Variants in CDIP1 observed in about 807,000 individuals in gnomAD.
CDIP1 encodes the protein cell death inducing p53 target 1.
A neutral mutation model predicts 17.7 loss-of-function variants in CDIP1; 9 were observed. That is an observed-to-expected ratio of 0.51 (90% CI 0.31 to 0.89). CDIP1 has a LOEUF of 0.89. Among genes scored for constraint, CDIP1 ranks in the 40% least tolerant of loss-of-function variants. CDIP1 has a pLI of 0.05. For synonymous variants in CDIP1, 117 were observed against 109.5 expected (o/e 1.07, Z -0.43); for missense variants, 263 against 277.9 (o/e 0.95, Z 0.38).
At chr16:4,521,948 TA>T (rs1264692229) in intron 1 of CDIP1, among the ~76,000 whole-genome samples, 7 of 152,178 alleles carry the variant, frequency 4.6e-5, no homozygotes, top group Non-Finnish European at 1.0e-4. Flanking sequence ...AAACTGCTAT[TA>T]TTATGCTTTA....
Position 4,513,216 on chromosome 16 carries a change from G to T in CDIP1, c.242-152C>A. 1 of 806,132 alleles carries T rather than the reference G, an allele frequency of 1.2e-6. No individual in the cohort carries two copies. The highest frequency in any genetic ancestry group is 1.8e-5 in the South Asian group (1 of 54,358). The allele number at this position is 806,132 out of a possible 1,614,324, so 49.9% of individuals were successfully genotyped here. A position where few individuals can be genotyped will look rare whatever the true frequency, so the allele number is the denominator to read the frequency against. On this transcript the variant is annotated intron_variant, in intron 4 of 5. Coordinates refer to ENST00000567695, the MANE Select transcript of CDIP1 (RefSeq NM_013399.3). The surrounding 1 kb of genome is among the most constrained non-coding windows in gnomAD (Gnocchi z 4.1). ...CGCCCTCCTAACGGGCCAGTGGGAG[G>T]CCTTACAGCTGGGGCCCTAAGTCAA...
intron 1 of CDIP1, among the ~76,000 whole-genome samples, chr16:4,535,771 C>T (rs1197788092): frequency 6.6e-6 from 1 of 152,264 alleles, no homozygotes; most frequent in Non-Finnish European, 1.5e-5. Flanking sequence ...CAAGAGTGGA[C>T]AGCCCTCTGG....
rs1044857959 is a variant in CDIP1, at chr16:4,512,593, G to A, written c.606C>T (p.Tyr202=). 6.2e-7 allele frequency: 1 copy of A among 1,613,682 alleles called. No homozygotes were observed. Among genetic ancestry groups the A allele is most frequent in the Non-Finnish European group, 8.5e-7 (1 of 1,179,632 alleles). Residue 202 remains tyrosine (Y), a synonymous_variant, in exon 6 of 6, where the codon TAC becomes TAT. Transcript: ENST00000567695. The surrounding 1 kb of genome is among the most constrained non-coding windows in gnomAD (Gnocchi z 4.6). ...HTCPSCKAYI[Y]TYKRLC is the part of the protein sequence containing the mutation. ...TCCGTTAGCACAGGCGCTTGTACGT[G>A]TAGATGTAGGCTTTGCAGCTGGGGC...
At position 4,514,123 on chromosome 16, in the gene CDIP1, C is replaced by T. The variant is rs2141628645; in HGVS notation, c.8G>A (p.Ser3Asn). MS[S>N]EPPPPYPGGP... Reference sequence around the variant, plus strand: ...CCCAGGATAAGGAGGGGGAGGCTCGCTGGACATCTTCGCTGCTTCTCCTGG... The same window carrying T: ...CCCAGGATAAGGAGGGGGAGGCTCGTTGGACATCTTCGCTGCTTCTCCTGG... Residue 3 changes from serine (S) to asparagine (N), a missense_variant, in exon 3 of 6, where the codon AGC becomes AAC. Transcript: ENST00000567695. This position sits in a 1 kb window ranked among gnomAD's most constrained non-coding sequence, Gnocchi z 5.2. The T allele has an allele frequency of 6.5e-7, 1 of 1,544,390 alleles. No individual in the cohort carries two copies. The highest frequency in any genetic ancestry group is 1.7e-4 in the Middle Eastern group (1 of 5,840).
rs1247420782 is a variant in CDIP1 at position 4,513,197 on chromosome 16, C to G, written c.242-133G>C. ...TACGCCTCAGACCTCCTACCGCCCT[C>G]CTAACGGGCCAGTGGGAGGCCTTAC... On this transcript the variant is annotated intron_variant, in intron 4 of 5. Coordinates refer to ENST00000567695, the MANE Select transcript of CDIP1 (RefSeq NM_013399.3). The surrounding 1 kb of genome is among the most constrained non-coding windows in gnomAD (Gnocchi z 4.1). The G allele has an allele frequency of 1.1e-6, 1 of 929,820 alleles. No homozygotes were observed. The highest frequency in any genetic ancestry group is 1.7e-5 in the African/African-American group (1 of 60,048). The allele number at this position is 929,820 out of a possible 1,614,324, so 57.6% of individuals were successfully genotyped here.
intron 1 of CDIP1, among the ~76,000 whole-genome samples, chr16:4,527,895 C>T (rs1049411585): frequency 2.6e-5 from 4 of 152,110 alleles, no homozygotes; most frequent in African/African-American, 4.8e-5. Flanking sequence ...AGGCTCACTG[C>T]GACCTCCGCC....
At chr16:4,517,164 G>A (rs1389800387) in intron 1 of CDIP1, among the ~76,000 whole-genome samples, 1 of 152,172 alleles carries the variant, frequency 6.6e-6, no homozygotes, top group Non-Finnish European at 1.5e-5. Flanking sequence ...CAAAGGACAT[G>A]AGCATTTTAT....
intron 1 of CDIP1, among the ~76,000 whole-genome samples, chr16:4,537,704 C>A (rs1231963258): frequency 1.3e-5 from 2 of 152,232 alleles, no homozygotes; most frequent in African/African-American, 2.4e-5. Context: ...TGGGGTGGGC[C>A]CCAGGAATCT....
intron 1 of CDIP1, among the ~76,000 whole-genome samples, chr16:4,529,959 G>A (rs1596495360): frequency 6.6e-6 from 1 of 152,228 alleles, no homozygotes. Context: ...CCTATTCCGT[G>A]GGTCGGGGTG....
chr16:4,525,118 T>C (rs564765450), intron 1 of CDIP1, among the ~76,000 whole-genome samples: 1 of 152,104 alleles, frequency 6.6e-6, no homozygotes, highest in African/African-American at 2.4e-5. Flanking sequence ...CACAAAAATA[T>C]ATCTCTACAG....
At chr16:4,538,496 G>C (rs1236624537) in intron 1 of CDIP1, 1 of 125,102 alleles carries the variant, frequency 8.0e-6, no homozygotes, top group African/African-American at 3.5e-5. Flanking sequence ...AGTCCGCCCG[G>C]TCACCCCCCC....
At chr16:4,528,827 A>G (rs2141654071) in intron 1 of CDIP1, among the ~76,000 whole-genome samples, 1 of 152,106 alleles carries the variant, frequency 6.6e-6, no homozygotes. Context: ...CATCTCTACT[A>G]AAAATACAAA....
rs928274502 is a variant in CDIP1, at chr16:4,511,139, C to G, written c.*1433G>C. ...GGAAATCCCAGGGCTGGTCTACACC[C>G]GACTCTGGTTTGGTTTAATTAGGTC... is the stretch of plus-strand genomic sequence containing the variant. On this transcript the variant is annotated 3_prime_UTR_variant, in exon 6 of 6. Transcript: ENST00000567695. 6.6e-6 allele frequency: 1 copy of G among 152,246 alleles called. No homozygotes were observed. Among genetic ancestry groups the G allele is most frequent in the Non-Finnish European group, 1.5e-5 (1 of 68,074 alleles). 9.4% of individuals were successfully genotyped at this position (152,246 alleles called of 1,614,324 possible).
At chr16:4,536,260 A>G (rs2059105147) in intron 1 of CDIP1, among the ~76,000 whole-genome samples, 1 of 152,200 alleles carries the variant, frequency 6.6e-6, no homozygotes, top group African/African-American at 2.4e-5. Flanking sequence ...CACTCAGGCA[A>G]CTGAGTAGGG....
chr16:4,529,754 C>T (rs2141655543), intron 1 of CDIP1, among the ~76,000 whole-genome samples: 1 of 152,252 alleles, frequency 6.6e-6, no homozygotes, highest in East Asian at 1.9e-4. Flanking sequence ...CTCTATTCAA[C>T]CAGCTGTCTG....
At chr16:4,516,790 G>C (rs1032964821) in intron 1 of CDIP1, among the ~76,000 whole-genome samples, 2 of 136,504 alleles carry the variant, frequency 1.5e-5, no homozygotes, top group Non-Finnish European at 3.0e-5. Flanking sequence ...TCACTGCAAC[G>C]TCTGCCTCCC....
Position 4,529,995 on chromosome 16 carries a change from C to G in CDIP1, c.-105+8707G>C, listed in dbSNP as rs1258757435. Among the ~76,000 whole-genome samples the G allele has an allele frequency of 3.3e-5, 5 of 152,230 alleles. No homozygotes were observed. The East Asian group carries it at 9.6e-4, about 29-fold the overall frequency. Reference sequence around the variant, plus strand: ...GGATGTGGAAAAGCAAACCTCTAGGCTTTCTTCCTCCAAATGTGTCAGTCA... The same window carrying G: ...GGATGTGGAAAAGCAAACCTCTAGGGTTTCTTCCTCCAAATGTGTCAGTCA... On this transcript the variant is annotated intron_variant, in intron 1 of 5. Transcript: ENST00000567695.
intron 1 of CDIP1, among the ~76,000 whole-genome samples, chr16:4,537,946 G>A (rs1005949209): frequency 2.0e-5 from 3 of 152,228 alleles, no homozygotes; most frequent in Non-Finnish European, 4.4e-5. Context: ...TCCACACGTC[G>A]GCGAGCCGGG....
At position 4,526,657 on chromosome 16, in the gene CDIP1, G is replaced by A. The variant is rs1032694746; in HGVS notation, c.-104-11993C>T. Among the ~76,000 whole-genome samples the A allele has an allele frequency of 4.4e-4, 66 of 148,686 alleles. 2 individuals are homozygous for A. The highest frequency in any genetic ancestry group is 4.4e-3 in the Admixed American group (65 of 14,900). ...GGAGCTTGCAGTGAGCTGAGATCGCGCCACTACACTCCAGCCTGGGCAACA... is the reference window on the plus strand; with the variant it reads ...GGAGCTTGCAGTGAGCTGAGATCGCACCACTACACTCCAGCCTGGGCAACA... On this transcript the variant is annotated intron_variant, in intron 1 of 5. Coordinates refer to ENST00000567695, the MANE Select transcript of CDIP1 (RefSeq NM_013399.3).
Sources: gnomAD v4.1 joint callset for allele counts (sites outside exome capture counted in the v4.1 genomes callset) on GRCh38, gnomAD v4.1.1 for gene constraint, Gnocchi (gnomAD v3.1) non-coding constraint, MANE v1.5 for transcripts, NCBI Gene and HGNC (gene_info 2026-07-23, HGNC 2026-07-21) for gene names.